The following FAT1 variants were observed in gnomAD, a reference collection of about 807,000 sequenced individuals.
The protein encoded by FAT1 is FAT atypical cadherin 1, also known as protocadherin Fat 1.
A neutral mutation model predicts 329.8 loss-of-function variants in FAT1; 171 were observed. That is an observed-to-expected ratio of 0.52 (90% CI 0.46 to 0.59). The LOEUF (loss-of-function observed/expected upper bound fraction) is 0.59, where lower values mean the gene tolerates loss of function less well. Ranked by LOEUF, FAT1 falls within the 20% of genes least tolerant of loss-of-function variation. The pLI is 0.00. For missense variants in FAT1, 5,672 were observed against 5,774.4 expected, an observed-to-expected ratio of 0.98 and a Z score of 0.57; for synonymous variants, 2,233 against 2,228.6, an observed-to-expected ratio of 1.00 and a Z score of -0.06.
intron 2 of FAT1, among the ~76,000 whole-genome samples, chr4:186,701,633 A>G (rs1478171243): frequency 6.6e-6 from 1 of 152,188 alleles, no homozygotes; most frequent in African/African-American, 2.4e-5. Flanking sequence ...CCCAGCTCTC[A>G]GCCACTTGCA....
rs1394546790 is a variant in FAT1, at chr4:186,588,765, C to T, written c.13594G>A (p.Val4532Ile). Residue 4532 changes from valine to isoleucine, a missense_variant, in exon 27 of 27, where the codon GTC becomes ATC. Coordinates refer to ENST00000441802, the MANE Select transcript of FAT1 (RefSeq NM_005245.4). ...GYQRHFEAPA[V>I]ESMPMSVYAS... is the part of the protein sequence containing the mutation. ...TACACAGACATGGGCATGCTCTCGA[C>T]AGCGGGCGCCTCGAAGTGTCTTTGA... The T allele has an allele frequency of 1.2e-6, 2 of 1,613,902 alleles. No homozygotes were observed. The highest frequency in any genetic ancestry group is 8.5e-7 in the Non-Finnish European group (1 of 1,179,920).
intron 14 of FAT1, among the ~76,000 whole-genome samples, chr4:186,610,829 A>G (rs1413511122): frequency 2.0e-5 from 3 of 151,364 alleles, no homozygotes; most frequent in African/African-American, 7.3e-5. Flanking sequence ...TAGCAAGATG[A>G]TGAAGCATTC....
At position 186,619,311 on chromosome 4, in the gene FAT1, C is replaced by T. The variant is rs2126504226; in HGVS notation, c.7275G>A (p.Leu2425=). 1.2e-6 allele frequency: 2 copies of T among 1,614,028 alleles called. No homozygotes were observed. The highest frequency in any genetic ancestry group is 1.1e-5 in the South Asian group (1 of 91,084). ...YDADSSDIDK[L]QYSILSGNDH... ...CATTGCCAGACAGAATGGAATACTG[C>T]AACTTGTCTATGTCTGAACTGTCTG... Residue 2425 remains leucine (L), a synonymous_variant, in exon 10 of 27, where the codon TTG becomes TTA. Transcript: ENST00000441802.
upstream of FAT1, among the ~76,000 whole-genome samples, chr4:186,725,304 C>G (rs1274066965): frequency 6.6e-6 from 1 of 151,990 alleles, no homozygotes; most frequent in Non-Finnish European, 1.5e-5. The surrounding 1 kb of genome is among the most constrained non-coding windows in gnomAD (Gnocchi z 5.4). Context: ...GAACTCCAGC[C>G]GTTTCCTGGG....
intron 2 of FAT1, among the ~76,000 whole-genome samples, chr4:186,672,957 C>T (rs1318180657): frequency 6.6e-6 from 1 of 151,936 alleles, no homozygotes; most frequent in African/African-American, 2.4e-5. Flanking sequence ...TTCATTGTAT[C>T]GGGAGGGAAA....
At chr4:186,703,082 C>A (rs1325983880) in intron 2 of FAT1, among the ~76,000 whole-genome samples, 1 of 152,144 alleles carries the variant, frequency 6.6e-6, no homozygotes, top group Non-Finnish European at 1.5e-5. Context: ...CATGGAAGGG[C>A]AGTCACGTGG....
At chr4:186,658,727 A>G (rs1742030497) in intron 3 of FAT1, among the ~76,000 whole-genome samples, 1 of 151,980 alleles carries the variant, frequency 6.6e-6, no homozygotes, top group South Asian at 2.1e-4. Context: ...CCTCCTCTCC[A>G]TCAATCTATT....
chr4:186,620,959 G>A lies in FAT1; in HGVS notation c.5627C>T (p.Pro1876Leu), dbSNP rs1229134544. The A allele has an allele frequency of 6.2e-7, 1 of 1,613,766 alleles. No individual in the cohort carries two copies. Among genetic ancestry groups the A allele is most frequent in the Non-Finnish European group, 8.5e-7 (1 of 1,179,888 alleles). Residue 1876 changes from proline (P) to leucine (L), a missense_variant, in exon 10 of 27, where the codon CCC (proline) becomes CTC (leucine). By Grantham distance (98) the Pro-to-Leu change is moderately conservative. Around this residue, in one of 2 missense-constraint regions of FAT1, gnomAD observed 3,966 missense variants for 3,915.2 expected, o/e 1.01. Coordinates refer to ENST00000441802, the MANE Select transcript of FAT1 (RefSeq NM_005245.4). ...ATATAATGGCTTGGCAAACACAGGG[G>A]GGCAGTCATTAATGTCAATTACATG... ...TVHVIDINDC[P>L]PVFAKPLYEA...
rs1744614789 is a variant in FAT1, at chr4:186,706,614, A to C, written c.3214T>G (p.Ser1072Ala). 1.9e-6 allele frequency: 3 copies of C among 1,613,792 alleles called. No homozygotes were observed. In the African/African-American group the frequency reaches 4.0e-5, roughly 22 times the overall value. ...DARRDGEIRY[S>A]IRDGSGVGVF... ...CCAACGCCAGAGCCATCTCTAATGG[A>C]GTATCGGATCTCCCCATCTCTTCTG... Residue 1072 changes from serine to alanine, a missense_variant, in exon 2 of 27, where the codon TCC becomes GCC. Physicochemically the swap from Ser to Ala is moderately conservative, Grantham distance 99. Coordinates refer to ENST00000441802, the MANE Select transcript of FAT1 (RefSeq NM_005245.4).
intron 2 of FAT1, among the ~76,000 whole-genome samples, chr4:186,676,340 G>A (rs749618859): frequency 1.3e-4 from 20 of 150,728 alleles, no homozygotes; most frequent in Non-Finnish European, 2.9e-4. Flanking sequence ...CGAGTTATAC[G>A]GATGAGTTAA....
Position 186,631,168 on chromosome 4 carries a change from G to C in FAT1, c.4324-2405C>G, listed in dbSNP as rs1342818813. Among the ~76,000 whole-genome samples, 8 of 152,138 alleles carry C rather than the reference G, an allele frequency of 5.3e-5. No individual in the cohort carries two copies. The East Asian group carries it at 1.4e-3, about 26-fold the overall frequency. On this transcript the variant is annotated intron_variant, in intron 7 of 26. Transcript: ENST00000441802. ...CACAATGGCTGCTCTGTTGACTTCTGAGTGTTACTTCCAAGCCCCAATCCA... is the reference window on the plus strand; with the variant it reads ...CACAATGGCTGCTCTGTTGACTTCTCAGTGTTACTTCCAAGCCCCAATCCA...
intron 7 of FAT1, among the ~76,000 whole-genome samples, 188 bp from the exon 8 acceptor site, chr4:186,628,951 A>G (rs1740455582): frequency 6.6e-6 from 1 of 152,236 alleles, no homozygotes; most frequent in African/African-American, 2.4e-5. Context: ...ACTTATCTAA[A>G]TATGAGTAAG....
chr4:186,681,760 C>T lies in FAT1; in HGVS notation c.3266-18147G>A, dbSNP rs1743217889. 2.0e-5 allele frequency among the ~76,000 whole-genome samples: 3 copies of T among 152,186 alleles called. No individual in the cohort carries two copies. The South Asian group carries it at 6.2e-4, about 32-fold the overall frequency. ...GGTCTGCCACAAACTTTCCCTCCAG[C>T]CCCAAATGAAGAGCTACTTTTATAA... On this transcript the variant is annotated intron_variant, in intron 2 of 26. Transcript: ENST00000441802.
chr4:186,598,160 A>T (rs2126403902), intron 22 of FAT1, 35 bp from the exon 23 acceptor site: 1 of 1,558,076 alleles, frequency 6.4e-7, no homozygotes, highest in Non-Finnish European at 8.7e-7. Context: ...AAGTCCTATC[A>T]CTCAATGACT....
intron 3 of FAT1, among the ~76,000 whole-genome samples, chr4:186,651,295 C>T (rs1368573044): frequency 1.3e-5 from 2 of 151,968 alleles, no homozygotes; most frequent in African/African-American, 4.8e-5. Context: ...CTGTACCCAA[C>T]CAGCTTAAAT....
rs1360362826 is a variant in FAT1, at chr4:186,708,430, T to C, written c.1398A>G (p.Thr466=). The C allele has an allele frequency of 8.1e-6, 13 of 1,614,050 alleles. No homozygotes were observed. The highest frequency in any genetic ancestry group is 1.0e-5 in the Non-Finnish European group (12 of 1,179,902). ...TCTCATCAAAAGCAGCTTTGTACGC[T>C]GTCTGGGTAAATTCAGGGGGATTGC... ...ANSNPPEFTQ[T]AYKAAFDENV... Residue 466 remains threonine (T), a synonymous_variant, in exon 2 of 27, where the codon ACA becomes ACG. Coordinates refer to ENST00000441802, the MANE Select transcript of FAT1 (RefSeq NM_005245.4).
intron 3 of FAT1, among the ~76,000 whole-genome samples, chr4:186,655,640 C>G (rs1009563299): frequency 2.6e-5 from 4 of 151,894 alleles, no homozygotes; most frequent in Non-Finnish European, 5.9e-5. Flanking sequence ...GCCATGTTGG[C>G]CAAGCTGGTC....
rs753412687 is a variant in FAT1, at chr4:186,617,858, C to T, written c.8728G>A (p.Asp2910Asn). 9 of 1,613,990 alleles carry T rather than the reference C, an allele frequency of 5.6e-6. No individual in the cohort carries two copies. Among genetic ancestry groups the T allele is most frequent in the East Asian group, 2.2e-5 (1 of 44,884 alleles). ...AATCGTGGTGGACTATCGTTGACATCGGTGACGGTAACATCCACAATGGCT... is the reference window on the plus strand; with the variant it reads ...AATCGTGGTGGACTATCGTTGACATTGGTGACGGTAACATCCACAATGGCT... ...STAIVDVTVT[D>N]VNDSPPRFTA... Residue 2910 changes from aspartate to asparagine, a missense_variant, in exon 10 of 27, where the codon GAT becomes AAT. Asp to Asn is a conservative substitution (Grantham distance 23). Transcript: ENST00000441802.
chr4:186,617,789 G>C lies in FAT1; in HGVS notation c.8797C>G (p.Gln2933Glu), dbSNP rs35931295. ...YKGTVSEDDP[Q>E]GGVIAILSTT... The stretch of plus-strand genomic sequence containing the variant: ...CTTAAGATGGCAATCACCCCACCTT[G>C]GGGGTCATCCTCACTCACAGTCCCT... Residue 2933 changes from glutamine to glutamate, a missense_variant, in exon 10 of 27, where the codon CAA becomes GAA. Physicochemically the swap from Gln to Glu is conservative, Grantham distance 29. Transcript: ENST00000441802. 1 of 1,613,766 alleles carries C rather than the reference G, an allele frequency of 6.2e-7. No homozygotes were observed. The highest frequency in any genetic ancestry group is 8.5e-7 in the Non-Finnish European group (1 of 1,179,708).
Sources: gnomAD v4.1 joint callset for allele counts (sites outside exome capture counted in the v4.1 genomes callset) on GRCh38, gnomAD v4.1.1 for gene constraint, gnomAD v4.1.1 regional missense constraint, Gnocchi (gnomAD v3.1) non-coding constraint, MANE v1.5 for transcripts, NCBI Gene and HGNC (gene_info 2026-07-23, HGNC 2026-07-21) for gene names.